Variants in CAPN8 observed in about 807,000 individuals in gnomAD.
CAPN8 encodes calpain 8.
A neutral mutation model predicts 80.9 loss-of-function variants in CAPN8; 87 were observed. The ratio of observed to expected loss-of-function variants is 1.07; its 90% CI spans 0.90 to 1.28. The LOEUF (loss-of-function observed/expected upper bound fraction) is 1.28. Among genes scored for constraint, CAPN8 ranks in the 50% most tolerant of loss-of-function variants. The pLI, the probability that CAPN8 is intolerant of heterozygous loss-of-function variation, is 0.00. For missense variants in CAPN8, 757 were observed against 702.0 expected (o/e 1.08, Z -0.89); for synonymous variants, 299 against 273.8 (o/e 1.09, Z -0.91).
intron 13 of CAPN8, among the ~76,000 whole-genome samples, chr1:223,556,081 C>A (rs1251527561): frequency 6.6e-6 from 1 of 152,220 alleles, no homozygotes; most frequent in Non-Finnish European, 1.5e-5. Context: ...GTCTTTACAA[C>A]CCTGCTCAAA....
intron 16 of CAPN8, among the ~76,000 whole-genome samples, chr1:223,547,316 A>T (rs775892889): frequency 2.6e-5 from 4 of 152,222 alleles, no homozygotes; most frequent in Non-Finnish European, 5.9e-5. Context: ...GATACATGCT[A>T]TAGTAATTGA....
chr1:223,619,578 T>G (rs1267072375), intron 8 of CAPN8, 125 bp from the exon 9 acceptor site: 4 of 908,512 alleles, frequency 4.4e-6, no homozygotes, highest in Non-Finnish European at 6.6e-6. Flanking sequence ...GCTTGATCTT[T>G]CCTACAGCAC....
intron 2 of CAPN8, among the ~76,000 whole-genome samples, chr1:223,638,911 T>C (rs1050784968): frequency 2.0e-5 from 3 of 152,206 alleles, no homozygotes; most frequent in African/African-American, 7.2e-5. Flanking sequence ...CATCTGGAAG[T>C]TGCCCACAAT....
intron 20 of CAPN8, among the ~76,000 whole-genome samples, chr1:223,542,664 A>AT (rs1656500531): frequency 6.6e-6 from 1 of 152,064 alleles, no homozygotes; most frequent in African/African-American, 2.4e-5. Context: ...AAGTACTCTG[A>AT]TTTTTTCTGC....
Position 223,541,668 on chromosome 1 carries a change from C to G in CAPN8, c.*168G>C, listed in dbSNP as rs780024966. 3.3e-4 allele frequency: 325 copies of G among 988,920 alleles called. No homozygotes were observed. The highest frequency in any genetic ancestry group is 4.7e-4 in the Non-Finnish European group (308 of 654,370). The allele number at this position is 988,920 out of a possible 1,614,324, so 61.3% of individuals were successfully genotyped here. On this transcript the variant is annotated 3_prime_UTR_variant, in exon 21 of 21. Transcript: ENST00000366872. ...TTTCCCTCCACTGGGCCCACCGGGT[C>G]GGCTTACATAGCTCATAGCTCAGTG...
chr1:223,656,789 T>G (rs941999127), intron 1 of CAPN8, among the ~76,000 whole-genome samples: 8 of 148,130 alleles, frequency 5.4e-5, no homozygotes, highest in African/African-American at 2.0e-4. Context: ...GTTCACGCCC[T>G]TCTCCTGCCT....
intron 2 of CAPN8, among the ~76,000 whole-genome samples, chr1:223,652,901 T>C (rs1236904343): frequency 6.6e-6 from 1 of 152,058 alleles, no homozygotes; most frequent in African/African-American, 2.4e-5. Flanking sequence ...CAGCACGCAC[T>C]CACCATGGTA....
At chr1:223,543,205 G>C in intron 19 of CAPN8, 39 bp from the exon 20 acceptor site, 1 of 1,549,512 alleles carries the variant, frequency 6.5e-7, no homozygotes, top group Non-Finnish European at 8.7e-7. Flanking sequence ...AGATAAGGCT[G>C]TTCCTGGACT....
chr1:223,641,207 T>C (rs1435940800), intron 2 of CAPN8, among the ~76,000 whole-genome samples: 2 of 152,160 alleles, frequency 1.3e-5, no homozygotes, highest in African/African-American at 2.4e-5. Flanking sequence ...CAGCATGAGT[T>C]CTCCCTCAAA....
intron 2 of CAPN8, among the ~76,000 whole-genome samples, chr1:223,654,076 T>C (rs982670065): frequency 2.0e-5 from 3 of 152,164 alleles, no homozygotes; most frequent in African/African-American, 7.2e-5. Context: ...TGCTCTAGCA[T>C]TAAAGTGGTT....
At chr1:223,648,878 T>C (rs1658266714) in intron 2 of CAPN8, among the ~76,000 whole-genome samples, 1 of 151,494 alleles carries the variant, frequency 6.6e-6, no homozygotes, top group South Asian at 2.1e-4. Context: ...GAGTGAAAAA[T>C]AGATGGGGAA....
intron 13 of CAPN8, among the ~76,000 whole-genome samples, chr1:223,555,547 G>A (rs1656884647): frequency 6.6e-6 from 1 of 151,976 alleles, no homozygotes; most frequent in African/African-American, 2.4e-5. Context: ...GGTTTTATAG[G>A]GAAAACAACA....
At chr1:223,549,419 A>G (rs2102689591) in intron 15 of CAPN8, 37 bp from the exon 16 acceptor site, 2 of 1,551,336 alleles carry the variant, frequency 1.3e-6, no homozygotes, top group South Asian at 1.2e-5. Context: ...TGGGAATCGG[A>G]TCATTTGAAG....
chr1:223,545,589 A>C (rs1421238617), intron 16 of CAPN8, among the ~76,000 whole-genome samples: 1 of 152,220 alleles, frequency 6.6e-6, no homozygotes, highest in African/African-American at 2.4e-5. Context: ...GTTTATTTAC[A>C]GGGTGGAGCT....
At chr1:223,612,792 G>T (rs951641388) in intron 10 of CAPN8, among the ~76,000 whole-genome samples, 15 of 152,166 alleles carry the variant, frequency 9.9e-5, no homozygotes, top group South Asian at 2.1e-4. Context: ...CTTTCTTAAT[G>T]CTAGTGATAT....
Position 223,654,361 on chromosome 1 carries a change from G to A in CAPN8, c.276C>T (p.Ala92=). 6.4e-7 allele frequency: 1 copy of A among 1,551,692 alleles called. No individual in the cohort carries two copies. Among genetic ancestry groups the A allele is most frequent in the Non-Finnish European group, 8.7e-7 (1 of 1,146,986 alleles). Residue 92 remains alanine (A), a synonymous_variant, in exon 2 of 21, where the codon GCC becomes GCT. Coordinates refer to ENST00000366872, the MANE Select transcript of CAPN8 (RefSeq NM_001143962.2). The part of the protein sequence containing the change: ...CPSPQFIVGG[A]TRTDICQGGL... ...CACCCTGACAAATGTCTGTGCGCGT[G>A]GCTCCACCAACGATAAACTGAGGGC...
intron 2 of CAPN8, among the ~76,000 whole-genome samples, chr1:223,647,844 G>A (rs1237903417): frequency 6.6e-6 from 1 of 152,094 alleles, no homozygotes; most frequent in Non-Finnish European, 1.5e-5. Flanking sequence ...ATTTGGAGAG[G>A]GGCCTGATAG....
chr1:223,619,548 G>A, intron 8 of CAPN8, 95 bp from the exon 9 acceptor site: 2 of 1,315,078 alleles, frequency 1.5e-6, no homozygotes, highest in South Asian at 2.7e-5. Flanking sequence ...TGTGGCACAG[G>A]CCCTAGAGGC....
At chr1:223,542,739 C>T (rs1036113237) in intron 20 of CAPN8, among the ~76,000 whole-genome samples, 6 of 152,144 alleles carry the variant, frequency 3.9e-5, no homozygotes, top group African/African-American at 1.4e-4. Context: ...ATTCTACCCA[C>T]TGCAATTTCA....
Sources: allele counts gnomAD v4.1 joint callset (sites outside exome capture counted in the v4.1 genomes callset), GRCh38; gene constraint gnomAD v4.1.1; transcripts MANE v1.5; gene names NCBI Gene and HGNC (gene_info 2026-07-23, HGNC 2026-07-21).